Variants in CFAP47 observed in about 807,000 individuals in gnomAD.
The protein encoded by CFAP47 is cilia and flagella associated protein 47.
A neutral mutation model predicts 148.1 loss-of-function variants in CFAP47; 29 were observed. The ratio of observed to expected loss-of-function variants is 0.20; its 90% CI spans 0.15 to 0.27. CFAP47 has a LOEUF of 0.27. Among genes scored for constraint, CFAP47 ranks in the 10% least tolerant of loss-of-function variants. CFAP47 has a pLI of 1.00. For synonymous variants in CFAP47, 664 were observed against 577.3 expected (o/e 1.15, Z -2.15); for missense variants, 1,872 against 1,697.5 (o/e 1.10, Z -1.81).
At chrX:36,265,415 G>C (rs146076625) in intron 49 of CFAP47, among the ~76,000 whole-genome samples, 1 of 111,650 alleles carries the variant, frequency 9.0e-6, no homozygotes, top group South Asian at 3.7e-4. Flanking sequence ...TTGTTTGATT[G>C]CTCTGGCTAG....
At chrX:35,948,224 A>G in intron 3 of CFAP47, 90 bp from the exon 4 acceptor site, 1 of 850,971 alleles carries the variant, frequency 1.2e-6, no homozygotes, top group Non-Finnish European at 1.7e-6. Flanking sequence ...AGCTTGGTCT[A>G]CTGGGTAAAG....
At position 36,343,676 on chromosome X, in the gene CFAP47, C is replaced by G. The variant is rs186464654; in HGVS notation, c.8444-4453C>G. Among the ~76,000 whole-genome samples, 732 of 111,807 alleles carry G rather than the reference C, an allele frequency of 6.5e-3. 5 individuals carry two copies. The highest frequency in any genetic ancestry group is 0.017 in the African/African-American group (536 of 30,799). On this transcript the variant is annotated intron_variant, in intron 57 of 63. Transcript: ENST00000378653. ...ATTTACAGTAGCAAAAACTTGGAAC[C>G]AACCCAAATGCCCATCAATGATAGA...
intron 29 of CFAP47, among the ~76,000 whole-genome samples, chrX:36,080,300 G>A (rs1018752250): frequency 2.7e-5 from 3 of 111,534 alleles, no homozygotes; most frequent in Non-Finnish European, 5.6e-5. Flanking sequence ...AGAGGATGTG[G>A]AGAAATAGGA....
At chrX:36,019,579 A>G (rs917310775) in intron 22 of CFAP47, among the ~76,000 whole-genome samples, 17 of 111,806 alleles carry the variant, frequency 1.5e-4, no homozygotes, top group Non-Finnish European at 3.8e-5. Context: ...AGGCCTTCCA[A>G]GAGAGGTTGT....
At chrX:36,374,393 C>G (rs1349553420) in intron 62 of CFAP47, among the ~76,000 whole-genome samples, 1 of 110,698 alleles carries the variant, frequency 9.0e-6, no homozygotes, top group Non-Finnish European at 1.9e-5. Flanking sequence ...AATGTCTCCC[C>G]CTTTATTTCT....
chrX:36,249,384 T>TAAGAAAACC (rs1940663221), intron 48 of CFAP47, among the ~76,000 whole-genome samples: 1 of 110,484 alleles, frequency 9.1e-6, no homozygotes, highest in African/African-American at 3.3e-5. Context: ...AGATAAATAC[T>TAAGAAAACC]AAGAAAACCT....
intron 49 of CFAP47, among the ~76,000 whole-genome samples, chrX:36,262,941 T>G (rs1330537042): frequency 8.9e-6 from 1 of 112,129 alleles, no homozygotes; most frequent in Non-Finnish European, 1.9e-5. Flanking sequence ...TCATTATAGT[T>G]TTGATTTGCA....
intron 44 of CFAP47, among the ~76,000 whole-genome samples, chrX:36,204,667 A>G (rs1456196574): frequency 1.8e-5 from 2 of 111,852 alleles, no homozygotes; most frequent in African/African-American, 6.5e-5. Context: ...CACTTTCTCA[A>G]ATGCTGGTCA....
At chrX:36,343,183 T>C (rs782193455) in intron 57 of CFAP47, among the ~76,000 whole-genome samples, 5 of 111,657 alleles carry the variant, frequency 4.5e-5, no homozygotes, top group African/African-American at 1.6e-4. Flanking sequence ...TGGTCAGTAT[T>C]CTATCCAACA....
intron 21 of CFAP47, among the ~76,000 whole-genome samples, chrX:36,007,225 T>C (rs1936991749): frequency 8.9e-6 from 1 of 112,226 alleles, no homozygotes; most frequent in Non-Finnish European, 1.9e-5. Context: ...GATTTAAGGA[T>C]ATGCAGAACC....
chrX:35,956,022 G>A lies in CFAP47; in HGVS notation c.1236G>A (p.Gln412=), dbSNP rs1312234379. The A allele has an allele frequency of 1.7e-6, 2 of 1,210,484 alleles. No individual in the cohort carries two copies. The highest frequency in any genetic ancestry group is 3.0e-5 in the East Asian group (1 of 33,780). ...LTGTGLPVLL[Q]FDPGPVLNFK... ...GCACAGGACTTCCTGTTTTACTACA[G>A]TTTGATCCAGGACCAGTTCTTAATT... Residue 412 remains glutamine, a synonymous_variant, in exon 8 of 64, where the codon CAG becomes CAA. Transcript: ENST00000378653.
At chrX:36,237,393 G>C (rs1940482615) in intron 48 of CFAP47, among the ~76,000 whole-genome samples, 1 of 110,561 alleles carries the variant, frequency 9.0e-6, no homozygotes, top group African/African-American at 3.3e-5. Context: ...CCAGTGGTAT[G>C]ATCTCGGCTC....
intron 27 of CFAP47, among the ~76,000 whole-genome samples, chrX:36,069,981 G>A (rs763538077): frequency 1.2e-4 from 13 of 111,522 alleles, no homozygotes; most frequent in Non-Finnish European, 2.1e-4. Context: ...ATCATTTAAT[G>A]GCAAGTTAAA....
At chrX:36,363,769 C>T (rs1420240744) in intron 61 of CFAP47, among the ~76,000 whole-genome samples, 2 of 111,429 alleles carry the variant, frequency 1.8e-5, no homozygotes, top group Non-Finnish European at 3.8e-5. Context: ...TCACAGAATA[C>T]AGTGTTGTGC....
intron 46 of CFAP47, among the ~76,000 whole-genome samples, chrX:36,233,012 G>C (rs1248692315): frequency 9.0e-6 from 1 of 111,696 alleles, no homozygotes; most frequent in Non-Finnish European, 1.9e-5. Flanking sequence ...TTTTACATTT[G>C]CTGAGGAGAG....
chrX:35,966,568 G>A lies in CFAP47; in HGVS notation c.1414G>A (p.Val472Met), dbSNP rs200730153. The A allele has an allele frequency of 1.4e-4, 141 of 1,007,156 alleles. No individual in the cohort carries two copies. In the East Asian group the frequency reaches 4.4e-3, roughly 31 times the overall value. 83.0% of individuals were successfully genotyped at this position (1,007,156 alleles called of 1,213,427 possible). A position where few individuals can be genotyped will look rare whatever the true frequency, so the allele number is the denominator to read the frequency against. Residue 472 changes from valine (V) to methionine (M), a missense_variant, in exon 9 of 64, where the codon GTG (valine) becomes ATG (methionine). Coordinates refer to ENST00000378653, the MANE Select transcript of CFAP47 (RefSeq NM_001304548.2). ...ACTTTTCATCTTTTTTTTTTAGGATGTGATGTGTTCATTTGTTCCACATCA... is the reference window on the plus strand; with the variant it reads ...ACTTTTCATCTTTTTTTTTTAGGATATGATGTGTTCATTTGTTCCACATCA... ...GKITGGGMVDVMCSFVPHQLG... is the reference protein window; with the variant it reads ...GKITGGGMVDMMCSFVPHQLG...
At chrX:36,347,652 C>T (rs149614090) in intron 57 of CFAP47, among the ~76,000 whole-genome samples, 2 of 111,360 alleles carry the variant, frequency 1.8e-5, no homozygotes, top group African/African-American at 6.5e-5. Context: ...AAGCTGGAAG[C>T]CATCATTCTC....
At chrX:36,018,671 C>A (rs895648294) in intron 22 of CFAP47, among the ~76,000 whole-genome samples, 1 of 112,065 alleles carries the variant, frequency 8.9e-6, no homozygotes, top group Non-Finnish European at 1.9e-5. Context: ...TTATTCCATT[C>A]TTGCATCCCA....
intron 60 of CFAP47, among the ~76,000 whole-genome samples, chrX:36,358,695 G>A (rs374723331): frequency 1.1e-4 from 12 of 111,616 alleles, no homozygotes; most frequent in Non-Finnish European, 1.7e-4. Flanking sequence ...CTGCTTCACG[G>A]TTTGATAAAC....
Sources: allele counts gnomAD v4.1 joint callset (sites outside exome capture counted in the v4.1 genomes callset), GRCh38; gene constraint gnomAD v4.1.1; transcripts MANE v1.5; gene names NCBI Gene and HGNC (gene_info 2026-07-23, HGNC 2026-07-21).